The following TENM2 variants were observed in gnomAD, a reference collection of about 807,000 sequenced individuals.
TENM2 encodes the protein teneurin-2.
In TENM2, 52 loss-of-function variants were observed where a neutral mutation model predicts 245.2. That is an observed-to-expected ratio of 0.21 (90% CI 0.17 to 0.27). The LOEUF is 0.27. TENM2 is among the 10% of genes least tolerant of loss of function. The pLI is 1.00. For missense variants in TENM2, 3,046 were observed against 3,666.8 expected, an observed-to-expected ratio of 0.83 and a Z score of 4.37; for synonymous variants, 1,363 against 1,438.9, an observed-to-expected ratio of 0.95 and a Z score of 1.19.
intron 3 of TENM2, among the ~76,000 whole-genome samples, chr5:167,886,153 C>T (rs1774271416): frequency 6.6e-6 from 1 of 152,140 alleles, no homozygotes; most frequent in Non-Finnish European, 1.5e-5. Context: ...GGATTATTAT[C>T]CCTGTTGTAC....
chr5:167,186,255 TA>T, the TENM2 span, among the ~76,000 whole-genome samples: 2 of 151,990 alleles, frequency 1.3e-5, no homozygotes, highest in Admixed American at 1.3e-4. Flanking sequence ...AATAAAACAA[TA>T]AAAAAGAGAA....
chr5:167,603,186 G>A (rs1444034331), intron 2 of TENM2, among the ~76,000 whole-genome samples: 1 of 152,130 alleles, frequency 6.6e-6, no homozygotes, highest in African/African-American at 2.4e-5. Context: ...TTAGGGGCTA[G>A]TAATCAATTA....
the TENM2 span, among the ~76,000 whole-genome samples, chr5:167,085,496 A>G: frequency 6.6e-6 from 1 of 152,178 alleles, no homozygotes; most frequent in East Asian, 1.9e-4. Flanking sequence ...TTTACTATTC[A>G]CTAGGCAATA....
intron 2 of TENM2, among the ~76,000 whole-genome samples, chr5:167,561,328 G>C (rs550139155): frequency 6.6e-6 from 1 of 152,314 alleles, no homozygotes; most frequent in South Asian, 2.1e-4. Context: ...TAAGTGAAAG[G>C]ATAGGGCCTG....
intron 13 of TENM2, among the ~76,000 whole-genome samples, chr5:168,179,692 A>G (rs1433097765): frequency 6.6e-6 from 1 of 152,182 alleles, no homozygotes; most frequent in Non-Finnish European, 1.5e-5. Context: ...AGTGCAGCAA[A>G]CAGGGTCCAA....
At chr5:167,897,227 C>T (rs1012266633) in intron 3 of TENM2, among the ~76,000 whole-genome samples, 4 of 151,894 alleles carry the variant, frequency 2.6e-5, no homozygotes, top group South Asian at 4.2e-4. Context: ...AATGAGGACC[C>T]GCACTATTTC....
At chr5:167,938,812 A>G (rs1016355563) in intron 3 of TENM2, among the ~76,000 whole-genome samples, 1 of 152,100 alleles carries the variant, frequency 6.6e-6, no homozygotes, top group Non-Finnish European at 1.5e-5. Flanking sequence ...GTGTGGTGGC[A>G]TGCGCCTGCA....
At chr5:167,852,067 G>A (rs1770632912) in intron 2 of TENM2, among the ~76,000 whole-genome samples, 1 of 152,108 alleles carries the variant, frequency 6.6e-6, no homozygotes. Flanking sequence ...TGCTTGAAAT[G>A]GTTTTTAAAT....
At chr5:167,217,087 C>T in the TENM2 span, among the ~76,000 whole-genome samples, 1 of 152,036 alleles carries the variant, frequency 6.6e-6, no homozygotes, top group East Asian at 1.9e-4. Flanking sequence ...ATAGATTTGT[C>T]CTATTTTAGG....
Position 168,188,792 on chromosome 5 carries a change from T to G in TENM2, c.2570-1545T>G, listed in dbSNP as rs577424793. Among the ~76,000 whole-genome samples the G allele has an allele frequency of 2.6e-5, 4 of 152,250 alleles. No individual in the cohort carries two copies. In the South Asian group the frequency reaches 8.3e-4, roughly 32 times the overall value. ...AGGGCCTGCTCCTGGAGGCTCTCCC[T>G]GGGGAGATGTGGGGTGGGCCGTTTA... On this transcript the variant is annotated intron_variant, in intron 13 of 28. Transcript: ENST00000518659.
intron 3 of TENM2, among the ~76,000 whole-genome samples, chr5:167,926,898 C>G (rs1777813972): frequency 6.6e-6 from 1 of 152,204 alleles, no homozygotes; most frequent in Non-Finnish European, 1.5e-5. Flanking sequence ...TACTTGGCAT[C>G]TCTCTGTCTT....
chr5:167,233,849 C>T, the TENM2 span, among the ~76,000 whole-genome samples: 5 of 151,630 alleles, frequency 3.3e-5, no homozygotes, highest in Admixed American at 2.6e-4. Flanking sequence ...ATGACAGGCT[C>T]ATATGGAAAA....
At chr5:167,336,062 G>A (rs952651759) in intron 1 of TENM2, among the ~76,000 whole-genome samples, 7 of 151,890 alleles carry the variant, frequency 4.6e-5, no homozygotes, top group African/African-American at 1.7e-4. Context: ...TCTTATTGAT[G>A]CCAGACTCTA....
the TENM2 span, among the ~76,000 whole-genome samples, chr5:167,204,873 C>A: frequency 1.1e-3 from 161 of 152,252 alleles, no homozygotes; most frequent in Middle Eastern, 3.4e-3. Flanking sequence ...AATAAACCAC[C>A]GGAGATTGCC....
intron 2 of TENM2, among the ~76,000 whole-genome samples, chr5:167,670,379 C>T (rs559228930): frequency 6.6e-6 from 1 of 152,114 alleles, no homozygotes; most frequent in African/African-American, 2.4e-5. Context: ...GATCCAATGT[C>T]AATGAAAGTG....
chr5:168,057,677 A>G (rs921047674), intron 6 of TENM2, among the ~76,000 whole-genome samples: 5 of 152,224 alleles, frequency 3.3e-5, no homozygotes, highest in East Asian at 3.9e-4. Context: ...TTGTTTGTTT[A>G]TTGTTAAGAT....
chr5:167,396,463 G>T (rs1385409001), intron 2 of TENM2, among the ~76,000 whole-genome samples: 1 of 152,122 alleles, frequency 6.6e-6, no homozygotes, highest in Non-Finnish European at 1.5e-5. Flanking sequence ...GAAAGAAGGA[G>T]AAAATGGGAA....
At chr5:167,350,245 G>A (rs1758742251) in intron 1 of TENM2, among the ~76,000 whole-genome samples, 1 of 152,004 alleles carries the variant, frequency 6.6e-6, no homozygotes, top group African/African-American at 2.4e-5. Flanking sequence ...CTGACTAAAT[G>A]GCAGTTATTG....
At chr5:167,426,168 T>A (rs1442687107) in intron 2 of TENM2, among the ~76,000 whole-genome samples, 3 of 152,178 alleles carry the variant, frequency 2.0e-5, no homozygotes, top group Non-Finnish European at 4.4e-5. Context: ...TCTTTGAAAT[T>A]CTAATTAAAA....
Sources: allele counts gnomAD v4.1 joint callset (sites outside exome capture counted in the v4.1 genomes callset), GRCh38; gene constraint gnomAD v4.1.1; transcripts MANE v1.5; gene names NCBI Gene and HGNC (gene_info 2026-07-23, HGNC 2026-07-21).